Variants in TULP4 observed in about 807,000 individuals in gnomAD.
TULP4 encodes TUB like protein 4, also known as tubby-related protein 4.
TULP4 carries 16 observed loss-of-function variants against 129.0 expected under a neutral mutation model. The ratio of observed to expected loss-of-function variants is 0.12; its 90% CI spans 0.08 to 0.19. The LOEUF (loss-of-function observed/expected upper bound fraction) is 0.19, where lower values mean the gene tolerates loss of function less well. Among genes scored for constraint, TULP4 ranks in the 10% least tolerant of loss-of-function variants. TULP4 has a pLI of 1.00. For missense variants in TULP4, 1,842 were observed against 2,059.1 expected (o/e 0.89, Z 2.04); for synonymous variants, 998 against 854.0 (o/e 1.17, Z -2.94).
chr6:158,271,299 G>A (rs9459877), intron 1 of TULP4, among the ~76,000 whole-genome samples: 26,247 of 152,028 alleles, frequency 0.17, 2,707 homozygotes, highest in Middle Eastern at 0.24. Context: ...AGTTAAGTGG[G>A]TGCCTAACCA....
At chr6:158,384,534 C>G (rs923571062) in intron 1 of TULP4, among the ~76,000 whole-genome samples, 2 of 152,132 alleles carry the variant, frequency 1.3e-5, no homozygotes, top group African/African-American at 4.8e-5. Context: ...ATGATCCACC[C>G]TCCTCAGCCT....
At chr6:158,334,594 CT>C (rs1295773088) in intron 1 of TULP4, among the ~76,000 whole-genome samples, 1 of 38,552 alleles carries the variant, frequency 2.6e-5, no homozygotes, top group East Asian at 1.1e-3. Context: ...GTTGGCACCC[CT>C]AACCCCCGCA....
intron 1 of TULP4, among the ~76,000 whole-genome samples, chr6:158,327,621 G>A (rs144335738): frequency 2.4e-3 from 358 of 152,004 alleles, no homozygotes; most frequent in Non-Finnish European, 4.2e-3. Flanking sequence ...TTATTTTATG[G>A]GCACTATATT....
intron 3 of TULP4, among the ~76,000 whole-genome samples, chr6:158,445,417 T>G (rs1283999610): frequency 2.0e-5 from 3 of 151,820 alleles, no homozygotes; most frequent in Non-Finnish European, 4.4e-5. Context: ...TGGAAGGAGA[T>G]TGCTCCTTCA....
intron 3 of TULP4, among the ~76,000 whole-genome samples, chr6:158,444,288 C>CA (rs1327374200): frequency 4.7e-5 from 2 of 42,118 alleles, no homozygotes; most frequent in Non-Finnish European, 9.1e-5. Flanking sequence ...CATCTCAGAA[C>CA]AAAAAGAGTT....
chr6:158,237,860 C>T (rs1583662642), intron 1 of TULP4: 1 of 750,452 alleles, frequency 1.3e-6, no homozygotes, highest in Non-Finnish European at 2.5e-6. Context: ...TCTGGATCTG[C>T]AAGTGAGTAA....
chr6:158,391,207 G>T (rs1305479800), intron 1 of TULP4, among the ~76,000 whole-genome samples: 1 of 152,146 alleles, frequency 6.6e-6, no homozygotes. Context: ...GCAGGTAAGG[G>T]ATGGGTGTTA....
At chr6:158,262,881 C>G (rs1477386448) in intron 1 of TULP4, among the ~76,000 whole-genome samples, 1 of 79,286 alleles carries the variant, frequency 1.3e-5, no homozygotes, top group African/African-American at 3.2e-5. Flanking sequence ...GTGAAGCATT[C>G]TTCTGCTGGG....
chr6:158,319,383 T>A (rs938871894), intron 1 of TULP4, among the ~76,000 whole-genome samples: 1 of 150,466 alleles, frequency 6.6e-6, no homozygotes, highest in Non-Finnish European at 1.5e-5. Context: ...GGTTTTTCAT[T>A]TCCGGGAAGG....
intron 1 of TULP4, among the ~76,000 whole-genome samples, chr6:158,274,561 G>C (rs1040349193): frequency 4.6e-5 from 7 of 152,128 alleles, no homozygotes; most frequent in Non-Finnish European, 8.8e-5. Flanking sequence ...CGGATCATGA[G>C]GTCAGGAGAT....
chr6:158,296,052 A>G (rs2128472863), intron 1 of TULP4, among the ~76,000 whole-genome samples: 1 of 152,316 alleles, frequency 6.6e-6, no homozygotes, highest in South Asian at 2.1e-4. Context: ...ATTAACTGAT[A>G]AAATTAGTTT....
At chr6:158,459,368 T>C (rs1485409324) in intron 5 of TULP4, among the ~76,000 whole-genome samples, 1 of 151,780 alleles carries the variant, frequency 6.6e-6, no homozygotes, top group African/African-American at 2.4e-5. Context: ...AGGCGGAGGT[T>C]GCAGTGAGCC....
intron 1 of TULP4, among the ~76,000 whole-genome samples, chr6:158,297,973 G>A (rs781697752): frequency 1.6e-4 from 25 of 152,022 alleles, no homozygotes; most frequent in East Asian, 5.8e-4. Flanking sequence ...CAGAGCGGCC[G>A]TTTATAGACC....
At chr6:158,253,864 G>A (rs1480803857) in intron 1 of TULP4, among the ~76,000 whole-genome samples, 2 of 151,930 alleles carry the variant, frequency 1.3e-5, no homozygotes, top group Non-Finnish European at 2.9e-5. Flanking sequence ...GCGAAACTCC[G>A]TCTCTACTAA....
intron 1 of TULP4, among the ~76,000 whole-genome samples, chr6:158,372,285 A>G (rs190296796): frequency 6.6e-6 from 1 of 151,764 alleles, no homozygotes; most frequent in Admixed American, 6.6e-5. Flanking sequence ...AGGACAGTCT[A>G]TGACTGCATG....
chr6:158,266,713 A>G (rs983436136), intron 1 of TULP4, among the ~76,000 whole-genome samples: 1 of 152,238 alleles, frequency 6.6e-6, no homozygotes, highest in African/African-American at 2.4e-5. Flanking sequence ...AATAATCTAG[A>G]GATGATGTAT....
chr6:158,265,671 A>T (rs1013857791), intron 1 of TULP4, among the ~76,000 whole-genome samples: 1 of 148,852 alleles, frequency 6.7e-6, no homozygotes, highest in Non-Finnish European at 1.5e-5. Flanking sequence ...ACAGAGCAAG[A>T]CTCCATCTCA....
chr6:158,414,410 G>T (rs1364598306), intron 2 of TULP4, among the ~76,000 whole-genome samples: 1 of 152,230 alleles, frequency 6.6e-6, no homozygotes, highest in Non-Finnish European at 1.5e-5. Context: ...GGAGATACTT[G>T]CCTGTGCCTC....
At position 158,427,481 on chromosome 6, in the gene TULP4, T is replaced by G. The variant is rs1360689052; in HGVS notation, c.382-2255T>G. Among the ~76,000 whole-genome samples, 20 of 20,950 alleles carry G rather than the reference T, an allele frequency of 9.5e-4. 1 individual carries two copies. Among genetic ancestry groups the G allele is most frequent in the African/African-American group, 2.1e-3 (20 of 9,456 alleles). The allele number at this position is 20,950 out of a possible 152,430, so 13.7% of individuals were successfully genotyped here. ...TCAAAATTATCAGACCTTTTTTTTT[T>G]TTTTTTTTTTTTTTTTTTTTTTTTT... On this transcript the variant is annotated intron_variant, in intron 2 of 13. Transcript: ENST00000367097.
Sources: gnomAD v4.1 joint callset for allele counts (sites outside exome capture counted in the v4.1 genomes callset) on GRCh38, gnomAD v4.1.1 for gene constraint, MANE v1.5 for transcripts, NCBI Gene and HGNC (gene_info 2026-07-23, HGNC 2026-07-21) for gene names.